The following LRRIQ3 variants were observed in gnomAD, a reference collection of about 807,000 sequenced individuals.
The protein encoded by LRRIQ3 is leucine-rich repeat and IQ domain-containing protein 3.
LRRIQ3 carries 75 observed loss-of-function variants against 59.3 expected under a neutral mutation model. That is an observed-to-expected ratio of 1.26 (90% confidence interval 1.05 to 1.53). LRRIQ3 has a LOEUF of 1.53. Among genes scored for constraint, LRRIQ3 ranks in the 40% most tolerant of loss-of-function variants. The pLI is 0.00. For synonymous variants in LRRIQ3, 250 were observed against 231.3 expected, an observed-to-expected ratio of 1.08 and a Z score of -0.73; for missense variants, 831 against 710.0, an observed-to-expected ratio of 1.17 and a Z score of -1.94.
chr1:74,061,961 G>C (rs1253005187), intron 6 of LRRIQ3, among the ~76,000 whole-genome samples: 1 of 152,156 alleles, frequency 6.6e-6, no homozygotes, highest in South Asian at 2.1e-4. Flanking sequence ...TTGAGCCTGG[G>C]AGGCTGAAGT....
In LRRIQ3 at chr1:74,113,910, GA is replaced by G. The variant is rs942711146; in HGVS notation, c.708-4358del. 2.0e-5 allele frequency among the ~76,000 whole-genome samples: 3 copies of G among 151,450 alleles called. No individual in the cohort carries two copies. In the East Asian group the frequency reaches 5.8e-4, roughly 29 times the overall value. On this transcript the variant is annotated intron_variant, in intron 4 of 7. Coordinates refer to ENST00000354431, the MANE Select transcript of LRRIQ3 (RefSeq NM_001105659.2). ...TGCATATTTTTTCTCTTAACTAATT[GA>G]AAAAGTAATTATATAAACATATATA...
At chr1:74,040,168 A>T (rs545253373) in intron 7 of LRRIQ3, among the ~76,000 whole-genome samples, 1 of 152,164 alleles carries the variant, frequency 6.6e-6, no homozygotes, top group Non-Finnish European at 1.5e-5. Flanking sequence ...CAGACTTTAA[A>T]CCAACAAAAA....
intron 5 of LRRIQ3, among the ~76,000 whole-genome samples, chr1:74,099,226 C>G (rs964895934): frequency 2.6e-5 from 4 of 152,068 alleles, no homozygotes; most frequent in Non-Finnish European, 4.4e-5. Context: ...AAGGGGATAT[C>G]ACCACTAATC....
Position 74,198,161 on chromosome 1 carries a change from C to A in LRRIQ3, c.-166G>T. ...GGTTTTCCGGGCGCCAGCCAAGGCG[C>A]TCCGGGGGCGTGGTTACGTGGGCGA... On this transcript the variant is annotated 5_prime_UTR_variant, in exon 1 of 8. Coordinates refer to ENST00000354431, the MANE Select transcript of LRRIQ3 (RefSeq NM_001105659.2). The A allele has an allele frequency of 4.0e-6, 6 of 1,516,334 alleles. No homozygotes were observed. Among genetic ancestry groups the A allele is most frequent in the Non-Finnish European group, 4.4e-6 (5 of 1,134,810 alleles). 93.9% of individuals were successfully genotyped at this position (1,516,334 alleles called of 1,614,324 possible).
chr1:74,119,144 TA>T (rs1553167909), intron 4 of LRRIQ3, among the ~76,000 whole-genome samples: 5 of 53,056 alleles, frequency 9.4e-5, no homozygotes, highest in Admixed American at 2.0e-4. Context: ...ATTGTCATTT[TA>T]TTTTTTAAAA....
intron 7 of LRRIQ3, among the ~76,000 whole-genome samples, chr1:74,029,609 A>G (rs1336201257): frequency 6.6e-6 from 1 of 152,078 alleles, no homozygotes; most frequent in Non-Finnish European, 1.5e-5. Flanking sequence ...CCAGTATTTT[A>G]TTGAGGATTT....
At chr1:74,139,162 A>G (rs1647187465) in intron 4 of LRRIQ3, among the ~76,000 whole-genome samples, 1 of 151,410 alleles carries the variant, frequency 6.6e-6, no homozygotes, top group African/African-American at 2.4e-5. Flanking sequence ...GTATATATAT[A>G]CACACATACA....
chr1:74,028,305 G>T (rs950056453), intron 7 of LRRIQ3, among the ~76,000 whole-genome samples: 2 of 152,032 alleles, frequency 1.3e-5, no homozygotes, highest in African/African-American at 4.8e-5. Context: ...GCAGCTTATT[G>T]ATGATGTGAT....
chr1:74,055,824 A>G (rs962788187), intron 6 of LRRIQ3, among the ~76,000 whole-genome samples: 1 of 152,166 alleles, frequency 6.6e-6, no homozygotes, highest in African/African-American at 2.4e-5. Flanking sequence ...AAAAGCACTC[A>G]TGAAATTAAA....
At chr1:74,027,837 A>G (rs1653566405) in intron 7 of LRRIQ3, among the ~76,000 whole-genome samples, 1 of 152,106 alleles carries the variant, frequency 6.6e-6, no homozygotes, top group South Asian at 2.1e-4. Context: ...TAAGAGAAAT[A>G]AATGTATATA....
At chr1:74,056,699 T>A (rs554536683) in intron 6 of LRRIQ3, among the ~76,000 whole-genome samples, 3 of 152,276 alleles carry the variant, frequency 2.0e-5, no homozygotes, top group Non-Finnish European at 2.9e-5. Context: ...AAAATACTGA[T>A]GAAATAGTTT....
chr1:74,073,796 G>C (rs1646165322), intron 6 of LRRIQ3, among the ~76,000 whole-genome samples: 1 of 151,992 alleles, frequency 6.6e-6, no homozygotes, highest in African/African-American at 2.4e-5. Context: ...TTAAGAATTA[G>C]GAGAAGCCCT....
chr1:74,041,106 T>G, intron 7 of LRRIQ3, 107 bp downstream of exon 7: 1 of 880,976 alleles, frequency 1.1e-6, no homozygotes, highest in Non-Finnish European at 1.7e-6. Context: ...CAAAGTAGAA[T>G]GTACTATGTT....
chr1:74,057,431 T>C (rs75611709), intron 6 of LRRIQ3, among the ~76,000 whole-genome samples: 4,377 of 152,070 alleles, frequency 0.029, 201 homozygotes, highest in African/African-American at 0.1. Flanking sequence ...AGAGAGCCCA[T>C]AAATAAATTC....
intron 1 of LRRIQ3, among the ~76,000 whole-genome samples, chr1:74,196,204 T>G (rs1258441147): frequency 6.6e-6 from 1 of 152,136 alleles, no homozygotes; most frequent in Non-Finnish European, 1.5e-5. Context: ...GATACCGTCC[T>G]AGATCCAATA....
intron 4 of LRRIQ3, among the ~76,000 whole-genome samples, chr1:74,145,419 G>A (rs1419032193): frequency 3.3e-5 from 5 of 151,988 alleles, no homozygotes; most frequent in South Asian, 2.1e-4. Context: ...TGAATTTTTC[G>A]TGAGCTTCCT....
At chr1:74,097,665 G>A (rs1157791556) in intron 5 of LRRIQ3, among the ~76,000 whole-genome samples, 1 of 152,152 alleles carries the variant, frequency 6.6e-6, no homozygotes, top group Non-Finnish European at 1.5e-5. Flanking sequence ...GAAAGGTTGG[G>A]TTACCCACAA....
intron 5 of LRRIQ3, among the ~76,000 whole-genome samples, chr1:74,102,496 G>T (rs149750314): frequency 1.4e-3 from 219 of 152,106 alleles, no homozygotes; most frequent in Admixed American, 4.6e-3. Context: ...ATATGAAAAA[G>T]TTGAAACTCC....
intron 4 of LRRIQ3, among the ~76,000 whole-genome samples, chr1:74,111,588 C>A (rs2100566013): frequency 6.6e-6 from 1 of 152,044 alleles, no homozygotes; most frequent in South Asian, 2.1e-4. Context: ...GAATCTCTTC[C>A]CAGTGAAACA....
Sources: gnomAD v4.1 joint callset for allele counts (sites outside exome capture counted in the v4.1 genomes callset) on GRCh38, gnomAD v4.1.1 for gene constraint, MANE v1.5 for transcripts, NCBI Gene and HGNC (gene_info 2026-07-23, HGNC 2026-07-21) for gene names.